PRH1: variants seen among roughly 807,000 people sequenced by gnomAD.
The protein encoded by PRH1 is proline rich protein HaeIII subfamily 1, also known as salivary acidic proline-rich phosphoprotein 1/2.
Under a neutral mutation model 7.9 loss-of-function variants are expected in PRH1, and 7 were observed. The ratio of observed to expected loss-of-function variants is 0.89; its 90% CI spans 0.50 to 1.67. The LOEUF (loss-of-function observed/expected upper bound fraction) is 1.67, where lower values mean the gene tolerates loss of function less well. PRH1 is among the 40% of genes most tolerant of loss of function. PRH1 has a pLI of 0.00. For synonymous variants in PRH1, 45 were observed against 80.8 expected, an observed-to-expected ratio of 0.56 and a Z score of 2.38; for missense variants, 109 against 223.6, an observed-to-expected ratio of 0.49 and a Z score of 3.27.
chr12:10,952,394 C>T (rs989275656), intron 2 of PRH1, among the ~76,000 whole-genome samples: 1 of 152,192 alleles, frequency 6.6e-6, no homozygotes, highest in Non-Finnish European at 1.5e-5. Flanking sequence ...CTCATCACGT[C>T]ACAGAAAGCT....
chr12:11,153,297 C>A (rs1255122771), intron 1 of PRH1, among the ~76,000 whole-genome samples: 1 of 152,160 alleles, frequency 6.6e-6, no homozygotes, highest in Non-Finnish European at 1.5e-5. Context: ...CTACGACTGT[C>A]TTCAAAAAAG....
At chr12:11,008,241 G>A (rs1450841) in intron 1 of PRH1, among the ~76,000 whole-genome samples, 46,294 of 151,880 alleles carry the variant, frequency 0.3, 8,918 homozygotes, top group East Asian at 0.74. Flanking sequence ...ATGCATATAA[G>A]TAGTTTCTTT....
intron 2 of PRH1, among the ~76,000 whole-genome samples, chr12:10,957,901 C>T (rs918155277): frequency 4.0e-5 from 6 of 151,794 alleles, no homozygotes; most frequent in Non-Finnish European, 8.8e-5. Flanking sequence ...TACTAAAACC[C>T]CCAAAAAACA....
chr12:10,973,756 T>A, intron 1 of PRH1: 1 of 775,222 alleles, frequency 1.3e-6, no homozygotes, highest in Non-Finnish European at 2.4e-6. Context: ...AAAATTATAT[T>A]TTCAATTCAT....
intron 1 of PRH1, among the ~76,000 whole-genome samples, chr12:11,113,536 C>T (rs563568949): frequency 3.9e-5 from 6 of 152,228 alleles, no homozygotes; most frequent in Admixed American, 6.5e-5. Context: ...AACTGGACCC[C>T]TTCCTTACAC....
At chr12:11,041,305 A>AC (rs1436881121) in intron 1 of PRH1, among the ~76,000 whole-genome samples, 1 of 140,134 alleles carries the variant, frequency 7.1e-6, no homozygotes, top group Non-Finnish European at 1.6e-5. Context: ...AAAAAAAAAA[A>AC]AAAAAACAAA....
chr12:11,130,161 C>G (rs1480254191), intron 1 of PRH1, among the ~76,000 whole-genome samples: 1 of 152,108 alleles, frequency 6.6e-6, no homozygotes, highest in Non-Finnish European at 1.5e-5. Context: ...AAAATAATAC[C>G]AATAATAATA....
intron 1 of PRH1, among the ~76,000 whole-genome samples, chr12:11,073,180 A>G (rs376101321): frequency 0.064 from 3,589 of 55,986 alleles, 206 homozygotes; most frequent in Non-Finnish European, 0.092. Flanking sequence ...TGCCCAGGCT[A>G]GAGTGCACTG....
chr12:10,968,109 A>G (rs560615271), intron 2 of PRH1, among the ~76,000 whole-genome samples: 50 of 141,906 alleles, frequency 3.5e-4, no homozygotes, highest in Admixed American at 6.3e-4. Flanking sequence ...TAATAAAAAT[A>G]ATAAACAAAA....
intron 2 of PRH1, chr12:10,894,963 T>C (rs765559378): frequency 6.6e-6 from 1 of 152,212 alleles, no homozygotes; most frequent in Non-Finnish European, 1.5e-5. Flanking sequence ...TGAGAGATTA[T>C]GTCCTTTTTG....
intron 1 of PRH1, among the ~76,000 whole-genome samples, chr12:10,974,632 A>AG (rs1939003429): frequency 6.6e-6 from 1 of 152,210 alleles, no homozygotes; most frequent in East Asian, 1.9e-4. Flanking sequence ...AGAAAAAAAA[A>AG]GAACCCATCC....
intron 1 of PRH1, among the ~76,000 whole-genome samples, chr12:11,033,252 A>G (rs1942301841): frequency 1.3e-5 from 2 of 152,168 alleles, no homozygotes; most frequent in Non-Finnish European, 2.9e-5. Flanking sequence ...CTGTATTCCC[A>G]GCTACTCGGG....
intron 1 of PRH1, among the ~76,000 whole-genome samples, chr12:11,025,341 T>C (rs1345295516): frequency 6.6e-6 from 1 of 152,274 alleles, no homozygotes; most frequent in African/African-American, 2.4e-5. Context: ...GAAGGTCTAC[T>C]ACTCTTTGGA....
In PRH1 at chr12:11,085,750, T is replaced by A. The variant is rs1308917088; in HGVS notation, n.124-38562A>T. On this transcript the variant is annotated intron_variant and non_coding_transcript_variant, in intron 1 of 4. Coordinates refer to the PRH1 transcript ENST00000541977. Reference sequence around the variant, plus strand: ...AAACCTGAATTCTCAATTCCAGGCATACAAATCAAGTCATATTCTTATTCA... The same window carrying A: ...AAACCTGAATTCTCAATTCCAGGCAAACAAATCAAGTCATATTCTTATTCA... Among the ~76,000 whole-genome samples the A allele has an allele frequency of 1.7e-5, 2 of 117,260 alleles. 1 individual carries two copies. The highest frequency in any genetic ancestry group is 4.0e-5 in the Non-Finnish European group (2 of 49,390). 76.9% of individuals were successfully genotyped at this position (117,260 alleles called of 152,430 possible). A position where few individuals can be genotyped will look rare whatever the true frequency, so the allele number is the denominator to read the frequency against.
In PRH1 at chr12:10,963,231, G is replaced by C. The variant is rs1205173855; in HGVS notation, c.-59+10424C>G. On this transcript the variant is annotated intron_variant, in intron 2 of 3. Coordinates refer to the PRH1 transcript ENST00000539853. ...CTGTAGAATTTACTTGTTTAATGAC[G>C]TTATACATTTTTTCCTATAATAGAA... is the stretch of plus-strand genomic sequence containing the variant. Among the ~76,000 whole-genome samples the C allele has an allele frequency of 5.3e-5, 8 of 151,778 alleles. No individual in the cohort carries two copies. In the East Asian group the frequency reaches 1.5e-3, roughly 29 times the overall value.
intron 1 of PRH1, among the ~76,000 whole-genome samples, chr12:11,057,980 G>C (rs1031066535): frequency 5.3e-5 from 8 of 151,278 alleles, no homozygotes; most frequent in Admixed American, 1.3e-4. Flanking sequence ...CGGGCCCTGT[G>C]GCACATGATT....
chr12:10,926,285 A>G (rs755135457), intron 2 of PRH1, among the ~76,000 whole-genome samples: 84 of 152,130 alleles, frequency 5.5e-4, no homozygotes, highest in Non-Finnish European at 7.9e-4. Context: ...AATGCAATTC[A>G]CTCACTCTCG....
intron 1 of PRH1, among the ~76,000 whole-genome samples, chr12:11,167,493 G>A (rs1947616476): frequency 6.7e-6 from 1 of 148,350 alleles, no homozygotes; most frequent in Non-Finnish European, 1.5e-5. Flanking sequence ...CACCCAGGCT[G>A]GAGTGCAGTG....
At chr12:10,908,723 A>G in intron 2 of PRH1, 3 of 1,613,902 alleles carry the variant, frequency 1.9e-6, no homozygotes, top group Non-Finnish European at 2.5e-6. Flanking sequence ...TGAAGGCCAC[A>G]GTAAATGGTG....
Sources: allele counts gnomAD v4.1 joint callset (sites outside exome capture counted in the v4.1 genomes callset), GRCh38; gene constraint gnomAD v4.1.1; transcripts MANE v1.5; gene names NCBI Gene and HGNC (gene_info 2026-07-23, HGNC 2026-07-21).